MADD: variants seen among roughly 807,000 people sequenced by gnomAD.
MADD encodes MAP kinase activating death domain.
Under a neutral mutation model 176.7 loss-of-function variants are expected in MADD, and 109 were observed. That is an observed-to-expected ratio of 0.62 (90% CI 0.53 to 0.72). The LOEUF (loss-of-function observed/expected upper bound fraction) is 0.72. Among genes scored for constraint, MADD ranks in the 30% least tolerant of loss-of-function variants. The probability of loss-of-function intolerance (pLI) is 0.00; values close to 1 mark genes in which losing one functional copy is unlikely to be tolerated. For synonymous variants in MADD, 771 were observed against 771.3 expected (o/e 1.00, Z 0.01); for missense variants, 1,914 against 2,045.5 (o/e 0.94, Z 1.24).
At chr11:47,295,717 GGT>G in intron 21 of MADD, 138 bp downstream of exon 23, 1 of 1,543,086 alleles carries the variant, frequency 6.5e-7, no homozygotes, top group Non-Finnish European at 8.7e-7. Flanking sequence ...TACCATCATA[GGT>G]GTGTGTATAC....
chr11:47,283,139 G>A (rs2058177313), intron 10 of MADD, among the ~76,000 whole-genome samples, 170 bp downstream of exon 10: 1 of 152,152 alleles, frequency 6.6e-6, no homozygotes, highest in Non-Finnish European at 1.5e-5. Context: ...TGTCACCCAG[G>A]CTGGAGTGCA....
intron 2 of MADD, 29 bp from the exon 3 acceptor site, chr11:47,274,534 G>C: frequency 1.3e-6 from 2 of 1,558,878 alleles, no homozygotes; most frequent in Non-Finnish European, 1.8e-6. Flanking sequence ...ATCCCTTCAG[G>C]CTGCTGAATT....
chr11:47,273,447 T>C (rs950767430), intron 1 of MADD, among the ~76,000 whole-genome samples: 1 of 152,166 alleles, frequency 6.6e-6, no homozygotes. Flanking sequence ...CAAGCGATTC[T>C]CATGCCTCAG....
At chr11:47,305,186 C>T (rs2081606202) in intron 22 of MADD, among the ~76,000 whole-genome samples, 1 of 152,130 alleles carries the variant, frequency 6.6e-6, no homozygotes, top group South Asian at 2.1e-4. Flanking sequence ...GGTGTCAGGT[C>T]TGACTGACAT....
chr11:47,276,013 A>G lies in MADD; in HGVS notation c.774A>G (p.Pro258=), dbSNP rs74698331. ...GGATCTATCGATTGCTGCGCTCCCCAGTACCCGTCTCTGGGCAGAAGCGAG... is the reference window on the plus strand; with the variant it reads ...GGATCTATCGATTGCTGCGCTCCCCGGTACCCGTCTCTGGGCAGAAGCGAG... The change falls in exon 4 of 33, where the codon CCA becomes CCG. Residue 258 remains proline (P), a synonymous_variant. Coordinates refer to ENST00000402192, the Ensembl canonical transcript of MADD. 1,789 of 1,614,190 alleles carry G rather than the reference A, an allele frequency of 1.1e-3. 1 individual carries two copies. The highest frequency in any genetic ancestry group is 1.4e-3 in the Non-Finnish European group (1,602 of 1,180,030).
intron 10 of MADD, among the ~76,000 whole-genome samples, chr11:47,283,555 C>CT (rs1377115761): frequency 2.0e-5 from 3 of 152,066 alleles, no homozygotes; most frequent in Non-Finnish European, 2.9e-5. Context: ...GTGCTGCCAC[C>CT]TTGCCTGGCT....
intron 27 of MADD, among the ~76,000 whole-genome samples, chr11:47,315,832 CT>C (rs138135047): frequency 0.034 from 4,357 of 128,606 alleles, 60 homozygotes; most frequent in South Asian, 0.11. Context: ...ATACCCATTT[CT>C]TTTTTTTTTT....
chr11:47,304,183 T>A (rs2080533248), intron 22 of MADD, among the ~76,000 whole-genome samples: 1 of 152,068 alleles, frequency 6.6e-6, no homozygotes, highest in African/African-American at 2.4e-5. Flanking sequence ...TATAGAGTCA[T>A]TCTTCTGCTT....
rs2095056816 is a variant in MADD at position 47,324,165 on chromosome 11, C to T, written c.4363-100C>T. On this transcript the variant is annotated intron_variant, in intron 28 of 32. Transcript: ENST00000402192. ...ATAGGAGGACTACTTAAAATTTTAC[C>T]CCTCACTTCAACCTCCAGCCTTCAG... The T allele has an allele frequency of 4.9e-6, 5 of 1,026,684 alleles. No individual in the cohort carries two copies. In the African/African-American group the frequency reaches 8.0e-5, roughly 16 times the overall value. The allele number at this position is 1,026,684 out of a possible 1,614,324, so 63.6% of individuals were successfully genotyped here.
chr11:47,327,593 C>A lies in MADD; in HGVS notation c.4612+786C>A, dbSNP rs890552866. The stretch of plus-strand genomic sequence containing the variant: ...CCTCTTTCTTCCTACCTTGCCTCCC[C>A]CTTCTCACCGGCTCACTGGACTTTC... On this transcript the variant is annotated intron_variant, in intron 31 of 32. Coordinates refer to ENST00000402192, the Ensembl canonical transcript of MADD. 5 of 985,228 alleles carry A rather than the reference C, an allele frequency of 5.1e-6. No homozygotes were observed. In the African/African-American group the frequency reaches 5.2e-5, roughly 10 times the overall value. The allele number at this position is 985,228 out of a possible 1,614,324, so 61.0% of individuals were successfully genotyped here. A position where few individuals can be genotyped will look rare whatever the true frequency, so the allele number is the denominator to read the frequency against.
At chr11:47,270,054 C>T (rs1326795932), upstream of MADD, 1 of 152,082 alleles carries the variant, frequency 6.6e-6, no homozygotes, top group Non-Finnish European at 1.5e-5. Flanking sequence ...TCGGTGCAGC[C>T]CCGGCCCCCC....
exon 19 of MADD, chr11:47,290,634 C>T: frequency 6.2e-7 from 1 of 1,613,792 alleles, no homozygotes; most frequent in Non-Finnish European, 8.5e-7. Context: ...AAGAGAAGTC[C>T]AACAGAAAGT....
intron 28 of MADD, 160 bp from the exon 32 acceptor site, chr11:47,324,105 T>C: frequency 2.9e-6 from 2 of 685,372 alleles, no homozygotes; most frequent in East Asian, 2.7e-5. Flanking sequence ...GGATCTATCA[T>C]TCATAACCTC....
intron 14 of MADD, among the ~76,000 whole-genome samples, chr11:47,285,851 A>C (rs2060247702): frequency 6.6e-6 from 1 of 152,246 alleles, no homozygotes; most frequent in African/African-American, 2.4e-5. Flanking sequence ...AACAGGCAGT[A>C]AATTCAAAAT....
intron 4 of MADD, 120 bp downstream of exon 4, chr11:47,276,322 T>A: frequency 1.1e-6 from 1 of 935,626 alleles, no homozygotes; most frequent in Non-Finnish European, 1.6e-6. Flanking sequence ...CTTCAGGAGG[T>A]AACATGATGC....
At chr11:47,328,358 G>T in intron 31 of MADD, 1 of 1,317,768 alleles carries the variant, frequency 7.6e-7, no homozygotes, top group Admixed American at 3.3e-5. Flanking sequence ...CTGGTGAAAG[G>T]CCCGTCCCTC....
At chr11:47,284,982 A>G (rs1284731923) in exon 13 of MADD, 1 of 1,613,996 alleles carries the variant, frequency 6.2e-7, no homozygotes, top group Non-Finnish European at 8.5e-7. Context: ...AGGCAGCAGT[A>G]GGCGTCTCCA....
At chr11:47,285,251 C>T (rs1209391746) in intron 13 of MADD, 57 bp downstream of exon 13, 3 of 1,590,292 alleles carry the variant, frequency 1.9e-6, no homozygotes, top group Non-Finnish European at 2.6e-6. Context: ...CCTCAGTGGA[C>T]CCTGGGCAAG....
At chr11:47,328,344 C>A (rs1314493582) in intron 31 of MADD, 2 of 1,288,618 alleles carry the variant, frequency 1.6e-6, no homozygotes, top group African/African-American at 3.0e-5. Context: ...TAGCTGTGAC[C>A]AGGCTGGTGA....
Sources: allele counts gnomAD v4.1 joint callset (sites outside exome capture counted in the v4.1 genomes callset), GRCh38; gene constraint gnomAD v4.1.1; transcripts MANE v1.5; gene names NCBI Gene and HGNC (gene_info 2026-07-23, HGNC 2026-07-21).